Variants in CYP27A1 observed in about 807,000 individuals in gnomAD.
CYP27A1 encodes cytochrome P450 family 27 subfamily A member 1, also known as sterol 26-hydroxylase, mitochondrial.
A neutral mutation model predicts 58.2 loss-of-function variants in CYP27A1; 46 were observed. That is an observed-to-expected ratio of 0.79 (90% CI 0.62 to 1.01). CYP27A1 has a LOEUF of 1.01. Among genes scored for constraint, CYP27A1 ranks in the 50% least tolerant of loss-of-function variants. The pLI is 0.00. For synonymous variants in CYP27A1, 274 were observed against 285.1 expected (o/e 0.96, Z 0.39); for missense variants, 704 against 687.0 (o/e 1.02, Z -0.28).
At chr2:218,804,638 C>T (rs1263985467) in intron 1 of CYP27A1, among the ~76,000 whole-genome samples, 1 of 152,182 alleles carries the variant, frequency 6.6e-6, no homozygotes, top group Non-Finnish European at 1.5e-5. Flanking sequence ...GGGAGTACTG[C>T]TGTTTTAACA....
chr2:218,805,102 G>C (rs1343535496), intron 1 of CYP27A1, among the ~76,000 whole-genome samples: 1 of 152,176 alleles, frequency 6.6e-6, no homozygotes, highest in Non-Finnish European at 1.5e-5. Context: ...GCAACACGGG[G>C]TTTAGGGTTT....
chr2:218,798,849 G>A (rs1943572490), intron 1 of CYP27A1, among the ~76,000 whole-genome samples: 1 of 151,836 alleles, frequency 6.6e-6, no homozygotes, highest in Non-Finnish European at 1.5e-5. Flanking sequence ...TGCCACTGCA[G>A]TCCAGCCTGG....
rs367920782 is a variant in CYP27A1, at chr2:218,814,593, T to C, written c.1312T>C (p.Phe438Leu). 1 of 1,614,212 alleles carries C rather than the reference T, an allele frequency of 6.2e-7. No homozygotes were observed. Among genetic ancestry groups the C allele is most frequent in the Non-Finnish European group, 8.5e-7 (1 of 1,180,040 alleles). The change falls in exon 8 of 9, where the codon TTC (phenylalanine) becomes CTC (leucine). Residue 438 changes from phenylalanine (F) to leucine (L), a missense_variant. Coordinates refer to ENST00000258415, the MANE Select transcript of CYP27A1 (RefSeq NM_000784.4). ...HYVVSRDPTA[F>L]SEPESFQPHR... ...TGTGGTGTCCCGGGACCCCACTGCC[T>C]TCTCTGAGCCTGAAAGCTTCCAGCC...
chr2:218,791,007 T>C (rs1943487369), intron 1 of CYP27A1, among the ~76,000 whole-genome samples: 1 of 152,120 alleles, frequency 6.6e-6, no homozygotes, highest in Non-Finnish European at 1.5e-5. Flanking sequence ...AGCCAAGTTT[T>C]GTATTTTTAA....
intron 2 of CYP27A1, among the ~76,000 whole-genome samples, chr2:218,810,964 G>T (rs554480885): frequency 1.4e-4 from 21 of 152,166 alleles, no homozygotes; most frequent in South Asian, 2.1e-4. Flanking sequence ...TGGCTAACAC[G>T]GTGAAACCCC....
rs963985555 is a variant in CYP27A1 at position 218,782,759 on chromosome 2, C to A, written c.255+322C>A. 6.6e-6 allele frequency among the ~76,000 whole-genome samples: 1 copy of A among 152,122 alleles called. No individual in the cohort carries two copies. Among genetic ancestry groups the A allele is most frequent in the Non-Finnish European group, 1.5e-5 (1 of 68,034 alleles). ...AGAGTGGCAGAGGCAAATGTGTAAG[C>A]TAACGGATATTATGGAATCACTAAT... On this transcript the variant is annotated intron_variant, in intron 1 of 8. Transcript: ENST00000258415. This position sits in a 1 kb window ranked among gnomAD's most constrained non-coding sequence, Gnocchi z 4.1.
intron 1 of CYP27A1, among the ~76,000 whole-genome samples, chr2:218,801,992 T>TTTTC (rs1943604073): frequency 6.7e-6 from 1 of 149,802 alleles, no homozygotes; most frequent in Non-Finnish European, 1.5e-5. Flanking sequence ...TTTTTTTTTT[T>TTTTC]TTTAATTCCT....
intron 1 of CYP27A1, among the ~76,000 whole-genome samples, chr2:218,808,050 T>C (rs551223778): frequency 6.6e-6 from 1 of 152,378 alleles, no homozygotes; most frequent in African/African-American, 2.4e-5. Flanking sequence ...CTTGGATATC[T>C]TTCTGTATTA....
chr2:218,800,410 G>T (rs1261384844), intron 1 of CYP27A1, among the ~76,000 whole-genome samples: 2 of 151,854 alleles, frequency 1.3e-5, no homozygotes, highest in Non-Finnish European at 2.9e-5. Context: ...TTGTGTGGTG[G>T]CTCACAAAAA....
chr2:218,800,857 T>G (rs1399433093), intron 1 of CYP27A1, among the ~76,000 whole-genome samples: 1 of 152,220 alleles, frequency 6.6e-6, no homozygotes, highest in African/African-American at 2.4e-5. Flanking sequence ...ATGCTCTCTT[T>G]TGTAACTTGC....
chr2:218,804,418 T>C (rs6436091), intron 1 of CYP27A1, among the ~76,000 whole-genome samples: 77,715 of 151,614 alleles, frequency 0.51, 20,581 homozygotes, highest in African/African-American at 0.61. Flanking sequence ...ACACTTACAC[T>C]AGTAACTTAC....
At chr2:218,807,771 G>A (rs1417489593) in intron 1 of CYP27A1, among the ~76,000 whole-genome samples, 1 of 150,044 alleles carries the variant, frequency 6.7e-6, no homozygotes, top group East Asian at 1.9e-4. Context: ...GCCATGCCCA[G>A]CGAATTTTTT....
chr2:218,814,708 G>A lies in CYP27A1; in HGVS notation c.1427G>A (p.Cys476Tyr), dbSNP rs1372707807. ...SVPFGYGVRA[C>Y]LGRRIAELEM... ...CCCTTTGGCTATGGGGTCCGGGCCT[G>A]CCTGGGCCGCAGGATTGCAGAGCTG... Residue 476 changes from cysteine (C) to tyrosine (Y), a missense_variant, in exon 8 of 9, where the codon TGC becomes TAC. By Grantham distance (194) the Cys-to-Tyr change is radical. Transcript: ENST00000258415. 1 of 1,614,200 alleles carries A rather than the reference G, an allele frequency of 6.2e-7. No homozygotes were observed. Among genetic ancestry groups the A allele is most frequent in the Non-Finnish European group, 8.5e-7 (1 of 1,180,044 alleles).
chr2:218,794,177 T>C (rs1464451388), intron 1 of CYP27A1, among the ~76,000 whole-genome samples: 5 of 152,170 alleles, frequency 3.3e-5, no homozygotes, highest in African/African-American at 1.2e-4. Context: ...CTCCCGAGGC[T>C]CCACCCCAGT....
intron 1 of CYP27A1, among the ~76,000 whole-genome samples, chr2:218,808,586 T>A (rs1277205385): frequency 6.6e-6 from 1 of 152,190 alleles, no homozygotes; most frequent in African/African-American, 2.4e-5. Context: ...GTCTCTTTTA[T>A]AGAAGGTCTT....
In CYP27A1 at chr2:218,814,700, C is replaced by T. The variant is rs138596741; in HGVS notation, c.1419C>T (p.Val473=). Residue 473 remains valine (V), a synonymous_variant, in exon 8 of 9, where the codon GTC becomes GTT. Coordinates refer to ENST00000258415, the MANE Select transcript of CYP27A1 (RefSeq NM_000784.4). ...GCTCTGTGCCCTTTGGCTATGGGGT[C>T]CGGGCCTGCCTGGGCCGCAGGATTG... ...PFGSVPFGYG[V]RACLGRRIAE... is the part of the protein sequence containing the mutation. The T allele has an allele frequency of 3.7e-4, 601 of 1,614,160 alleles. 1 individual carries two copies. The highest frequency in any genetic ancestry group is 4.5e-4 in the Non-Finnish European group (530 of 1,180,032).
At chr2:218,810,949 C>A (rs1297427214) in intron 2 of CYP27A1, among the ~76,000 whole-genome samples, 2 of 151,972 alleles carry the variant, frequency 1.3e-5, no homozygotes, top group African/African-American at 4.8e-5. Context: ...AGATCAAGAC[C>A]ATCCTGGCTA....
Position 218,814,568 on chromosome 2 carries a change from T to C in CYP27A1, c.1287T>C (p.Tyr429=), listed in dbSNP as rs1422915457. Residue 429 remains tyrosine, a synonymous_variant, in exon 8 of 9, where the codon TAT becomes TAC. Coordinates refer to ENST00000258415, the MANE Select transcript of CYP27A1 (RefSeq NM_000784.4). The part of the protein sequence containing the change: ...PKNTQFVFCH[Y]VVSRDPTAFS... ...AGACCCAGTTTGTGTTCTGCCACTA[T>C]GTGGTGTCCCGGGACCCCACTGCCT... 1 of 1,614,092 alleles carries C rather than the reference T, an allele frequency of 6.2e-7. No individual in the cohort carries two copies. Among genetic ancestry groups the C allele is most frequent in the South Asian group, 1.1e-5 (1 of 91,092 alleles).
rs1187804477 is a variant in CYP27A1, at chr2:218,812,598, A to G, written c.693A>G (p.Arg231=). 1.2e-6 allele frequency: 2 copies of G among 1,614,078 alleles called. No homozygotes were observed. Among genetic ancestry groups the G allele is most frequent in the Non-Finnish European group, 1.7e-6 (2 of 1,180,042 alleles). The change falls in exon 4 of 9, where the codon CGA becomes CGG. Residue 231 remains arginine (R), a synonymous_variant. Transcript: ENST00000258415. ...LFEKRIGCLQ[R]SIPEDTVTFV... ...AGAAACGCATTGGCTGCCTGCAGCG[A>G]TCCATCCCCGAGGACACCGTGACCT... is the stretch of plus-strand genomic sequence containing the variant.
Sources: gnomAD v4.1 joint callset for allele counts (sites outside exome capture counted in the v4.1 genomes callset) on GRCh38, gnomAD v4.1.1 for gene constraint, Gnocchi (gnomAD v3.1) non-coding constraint, MANE v1.5 for transcripts, NCBI Gene and HGNC (gene_info 2026-07-23, HGNC 2026-07-21) for gene names.